Variants in FAM120B observed in about 807,000 individuals in gnomAD.
FAM120B encodes family with sequence similarity 120 member B.
In FAM120B, 83 loss-of-function variants were observed where a neutral mutation model predicts 96.3. The ratio of observed to expected loss-of-function variants is 0.86; its 90% CI spans 0.72 to 1.03. The LOEUF (loss-of-function observed/expected upper bound fraction) is 1.03. Ranked by LOEUF, FAM120B falls within the 50% of genes least tolerant of loss-of-function variation. The pLI is 0.00. For synonymous variants in FAM120B, 407 were observed against 402.7 expected (o/e 1.01, Z -0.13); for missense variants, 1,027 against 1,121.2 (o/e 0.92, Z 1.20).
At chr6:170,323,334 G>A in intron 3 of FAM120B, 75 bp downstream of exon 3, 1 of 1,247,796 alleles carries the variant, frequency 8.0e-7, no homozygotes, top group South Asian at 1.4e-5. Context: ...AGATGAAATA[G>A]AGTGCATTCT....
chr6:170,385,730 G>A (rs960244875), intron 6 of FAM120B, among the ~76,000 whole-genome samples: 2 of 152,210 alleles, frequency 1.3e-5, no homozygotes, highest in African/African-American at 4.8e-5. Flanking sequence ...AAGCAGCCAA[G>A]ATGTCCTTCA....
At chr6:170,366,898 AT>A (rs796461355) in intron 6 of FAM120B, among the ~76,000 whole-genome samples, 11 of 150,286 alleles carry the variant, frequency 7.3e-5, no homozygotes, top group African/African-American at 2.0e-4. Flanking sequence ...TATTTTTTAG[AT>A]TTTTTTTTTC....
upstream of FAM120B, chr6:170,291,143 G>GC: frequency 2.1e-6 from 1 of 473,962 alleles, no homozygotes; most frequent in East Asian, 4.1e-5. Context: ...GTCCTCCCCT[G>GC]CCCCCGCCCC....
intron 3 of FAM120B, among the ~76,000 whole-genome samples, chr6:170,329,677 A>G (rs1785871081): frequency 6.6e-6 from 1 of 151,426 alleles, no homozygotes; most frequent in Non-Finnish European, 1.5e-5. Context: ...TCTCTCCTGG[A>G]AGTGCTGTGA....
At chr6:170,317,023 C>A (rs1784943226) in intron 1 of FAM120B, among the ~76,000 whole-genome samples, 1 of 152,204 alleles carries the variant, frequency 6.6e-6, no homozygotes, top group African/African-American at 2.4e-5. Context: ...ACAATAACTT[C>A]TGTTTGAGTT....
intron 7 of FAM120B, among the ~76,000 whole-genome samples, chr6:170,388,770 A>G (rs1790331111): frequency 6.6e-6 from 1 of 152,198 alleles, no homozygotes; most frequent in African/African-American, 2.4e-5. Context: ...TGATCCTTGA[A>G]CAATGCAAGG....
chr6:170,394,922 T>G (rs1029190682), intron 8 of FAM120B, among the ~76,000 whole-genome samples: 1 of 152,256 alleles, frequency 6.6e-6, no homozygotes, highest in Non-Finnish European at 1.5e-5. Flanking sequence ...GGCCTGGGCC[T>G]TCTTTGTGGA....
intron 6 of FAM120B, among the ~76,000 whole-genome samples, chr6:170,380,095 C>A (rs1789815799): frequency 6.6e-6 from 1 of 152,156 alleles, no homozygotes; most frequent in Non-Finnish European, 1.5e-5. Flanking sequence ...TGAGATTGTG[C>A]AGTATTTGTC....
chr6:170,361,227 T>TAC (rs1562567109), intron 6 of FAM120B, among the ~76,000 whole-genome samples: 1 of 122,658 alleles, frequency 8.2e-6, no homozygotes. Context: ...TATATATATA[T>TAC]ATATATATAC....
intron 8 of FAM120B, among the ~76,000 whole-genome samples, chr6:170,393,216 G>A: frequency 6.6e-6 from 1 of 151,352 alleles, no homozygotes; most frequent in East Asian, 1.9e-4. Context: ...TCTCCAGACT[G>A]AGGTTGTCAG....
At chr6:170,305,966 G>A (rs926710519), upstream of FAM120B, among the ~76,000 whole-genome samples, 5 of 152,132 alleles carry the variant, frequency 3.3e-5, no homozygotes, top group Non-Finnish European at 5.9e-5. Flanking sequence ...GGTGGCACCT[G>A]TTCCCCTGTC....
At chr6:170,303,931 C>G (rs1335936483), upstream of FAM120B, among the ~76,000 whole-genome samples, 1 of 152,182 alleles carries the variant, frequency 6.6e-6, no homozygotes, top group African/African-American at 2.4e-5. Context: ...AGATATTCAT[C>G]CATAACAGGC....
chr6:170,400,983 G>T (rs544192599), intron 9 of FAM120B, among the ~76,000 whole-genome samples: 1 of 152,302 alleles, frequency 6.6e-6, no homozygotes, highest in South Asian at 2.1e-4. Flanking sequence ...TAGACCAAAA[G>T]AACCCCCTTC....
intron 3 of FAM120B, among the ~76,000 whole-genome samples, chr6:170,329,968 C>T (rs936102979): frequency 1.3e-5 from 2 of 152,200 alleles, no homozygotes; most frequent in Non-Finnish European, 1.5e-5. Flanking sequence ...AGGGACACCA[C>T]CTCTTCTTCC....
At chr6:170,301,746 A>C (rs1398357259) in intron 1 of FAM120B, among the ~76,000 whole-genome samples, 3 of 152,238 alleles carry the variant, frequency 2.0e-5, no homozygotes, top group African/African-American at 7.2e-5. Flanking sequence ...GCATAGCAAG[A>C]GTGACCTTTA....
intron 6 of FAM120B, among the ~76,000 whole-genome samples, chr6:170,365,387 G>A (rs1247873615): frequency 6.6e-6 from 1 of 152,186 alleles, no homozygotes; most frequent in Non-Finnish European, 1.5e-5. Flanking sequence ...CCTTACTAGG[G>A]ATGACAGCTG....
intron 4 of FAM120B, among the ~76,000 whole-genome samples, chr6:170,347,112 A>G (rs1787242424): frequency 7.2e-5 from 11 of 152,180 alleles, no homozygotes; most frequent in Admixed American, 7.2e-4. Context: ...AGTCAGTGCT[A>G]TCGTGGGAAA....
At chr6:170,352,511 G>A (rs1379507052) in intron 5 of FAM120B, among the ~76,000 whole-genome samples, 1 of 152,078 alleles carries the variant, frequency 6.6e-6, no homozygotes, top group East Asian at 1.9e-4. Flanking sequence ...ACTCTAAAAT[G>A]GATCACATAA....
In FAM120B at chr6:170,317,773, G is replaced by A; in HGVS notation, c.383G>A (p.Arg128Lys). 6.2e-7 allele frequency: 1 copy of A among 1,614,212 alleles called. No homozygotes were observed. Residue 128 changes from arginine to lysine, a missense_variant, in exon 2 of 11, where the codon AGA (arginine) becomes AAA (lysine). Arg to Lys is a conservative substitution (Grantham distance 26, BLOSUM62 2). Coordinates refer to ENST00000476287, the MANE Select transcript of FAM120B (RefSeq NM_032448.3). The stretch of plus-strand genomic sequence containing the variant: ...AAGTCACACAAGGAGCAGCCAGGCA[G>A]AAATATGTTCTTCATCCCCTCAGGG... Reference protein sequence around the residue: ...YIKSHKEQPGRNMFFIPSGLA... With the variant: ...YIKSHKEQPGKNMFFIPSGLA...
Sources: allele counts gnomAD v4.1 joint callset (sites outside exome capture counted in the v4.1 genomes callset), GRCh38; gene constraint gnomAD v4.1.1; transcripts MANE v1.5; gene names NCBI Gene and HGNC (gene_info 2026-07-23, HGNC 2026-07-21).